The following HECTD4 variants were observed in gnomAD, a reference collection of about 807,000 sequenced individuals.
The protein encoded by HECTD4 is HECT domain E3 ubiquitin protein ligase 4.
HECTD4 carries 114 observed loss-of-function variants against 471.5 expected under a neutral mutation model. The observed-to-expected ratio is 0.24, with a 90% CI of 0.21 to 0.28. The LOEUF is 0.28. Among genes scored for constraint, HECTD4 ranks in the 10% least tolerant of loss-of-function variants. The probability of loss-of-function intolerance (pLI) is 1.00; values close to 1 mark genes in which losing one functional copy is unlikely to be tolerated. For synonymous variants in HECTD4, 2,012 were observed against 2,256.0 expected (o/e 0.89, Z 3.07); for missense variants, 3,866 against 5,651.5 (o/e 0.68, Z 10.13).
chr12:112,258,359 T>C, intron 20 of HECTD4, 137 bp downstream of exon 20: 1 of 565,728 alleles, frequency 1.8e-6, no homozygotes, highest in Non-Finnish European at 3.0e-6. Flanking sequence ...TACAGTTATC[T>C]AAAATTTTCA....
At chr12:112,195,867 A>G (rs1161897430) in intron 55 of HECTD4, among the ~76,000 whole-genome samples, 1 of 152,240 alleles carries the variant, frequency 6.6e-6, no homozygotes, top group Non-Finnish European at 1.5e-5. Flanking sequence ...TTAGTGCCTA[A>G]GCACGTCTTA....
At position 112,184,620 on chromosome 12, in the gene HECTD4, TC is replaced by T; in HGVS notation, c.10345del (p.Glu3449ArgfsTer29). 1 of 1,613,874 alleles carries T rather than the reference TC, an allele frequency of 6.2e-7. No homozygotes were observed. Among genetic ancestry groups the T allele is most frequent in the Non-Finnish European group, 8.5e-7 (1 of 1,179,862 alleles). On this transcript the variant is annotated frameshift_variant, in exon 61 of 76. Transcript: ENST00000682272. LOFTEE classifies it high-confidence loss of function. This position sits in a 1 kb window ranked among gnomAD's most constrained non-coding sequence, Gnocchi z 9.1. ...GGGCTCAACTTTCCCGTCCCCGCCCTCGGCCTTGTCTTTTGGCTTCTTGGTG... is the reference window on the plus strand; with the variant it reads ...GGGCTCAACTTTCCCGTCCCCGCCCTGGCCTTGTCTTTTGGCTTCTTGGTG... ...EDTKKPKDKA[E>X]GGDGKVEPEK...
Position 112,247,487 on chromosome 12 carries a change from G to T in HECTD4, c.4312C>A (p.Leu1438Ile). Reference protein sequence around the residue: ...MKEVSFDGNDLENMVLSLREK... With the variant: ...MKEVSFDGNDIENMVLSLREK... ...CTCAGTGATAGGACCATGTTTTCAA[G>T]ATCATTCCCATCAAAGGAGACTTCC... is the stretch of plus-strand genomic sequence containing the variant. The change falls in exon 28 of 76, where the codon CTT becomes ATT. Residue 1438 changes from leucine (L) to isoleucine (I), a missense_variant. This residue lies in a region of HECTD4 where 281 missense variants were observed against 499.9 expected (regional missense o/e 0.56). Coordinates refer to ENST00000682272, the MANE Select transcript of HECTD4 (RefSeq NM_001388303.1). 1 of 1,539,642 alleles carries T rather than the reference G, an allele frequency of 6.5e-7. No individual in the cohort carries two copies. The highest frequency in any genetic ancestry group is 8.8e-7 in the Non-Finnish European group (1 of 1,138,406).
At chr12:112,204,740 G>C in intron 52 of HECTD4, 117 bp from the exon 53 acceptor site, 1 of 821,876 alleles carries the variant, frequency 1.2e-6, no homozygotes, top group Non-Finnish European at 1.9e-6. Context: ...GTTTATGAAA[G>C]TACATAACCC....
rs1291890349 is a variant in HECTD4 at position 112,162,159 on chromosome 12, C to T, written c.*228G>A. On this transcript the variant is annotated 3_prime_UTR_variant, in exon 76 of 76. Coordinates refer to ENST00000682272, the MANE Select transcript of HECTD4 (RefSeq NM_001388303.1). The surrounding 1 kb of genome is among the most constrained non-coding windows in gnomAD (Gnocchi z 5.2). ...ACAAACTGTCTGGGAACTAAACTAT[C>T]CTACAAATAGACCACAAACAGGCAG... 1.5e-5 allele frequency: 8 copies of T among 532,336 alleles called. No individual in the cohort carries two copies. The highest frequency in any genetic ancestry group is 2.7e-5 in the Non-Finnish European group (8 of 298,374). The allele number at this position is 532,336 out of a possible 1,614,324, so 33.0% of individuals were successfully genotyped here. A position where few individuals can be genotyped will look rare whatever the true frequency, so the allele number is the denominator to read the frequency against.
At chr12:112,352,622 T>C (rs1048331691) in intron 1 of HECTD4, among the ~76,000 whole-genome samples, 7 of 151,412 alleles carry the variant, frequency 4.6e-5, no homozygotes, top group African/African-American at 1.7e-4. Context: ...TCCCTTCTTT[T>C]TTGAGACAAG....
chr12:112,338,795 A>G (rs1215156572), intron 1 of HECTD4, among the ~76,000 whole-genome samples: 1 of 152,084 alleles, frequency 6.6e-6, no homozygotes, highest in Non-Finnish European at 1.5e-5. Context: ...AAGGTGAAGC[A>G]GGAGCAGGCA....
intron 1 of HECTD4, among the ~76,000 whole-genome samples, chr12:112,328,833 A>G (rs1319200924): frequency 6.6e-6 from 1 of 152,230 alleles, no homozygotes; most frequent in Admixed American, 6.5e-5. Flanking sequence ...ACTTTAATTC[A>G]TGAGTTTTAG....
In HECTD4 at chr12:112,166,191, C is replaced by T. The variant is rs1334071854; in HGVS notation, c.12534+1126G>A. On this transcript the variant is annotated intron_variant, in intron 72 of 75. Coordinates refer to ENST00000682272, the MANE Select transcript of HECTD4 (RefSeq NM_001388303.1). This position sits in a 1 kb window ranked among gnomAD's most constrained non-coding sequence, Gnocchi z 4.6. ...GTGCAGGAGACGCATAAACCCCCAG[C>T]CCACTGTGGGTGTTCTTCCACCCTT... 1 of 152,304 alleles carries T rather than the reference C, an allele frequency of 6.6e-6. No homozygotes were observed. The highest frequency in any genetic ancestry group is 1.5e-5 in the Non-Finnish European group (1 of 68,104). The allele number at this position is 152,304 out of a possible 1,614,324, so 9.4% of individuals were successfully genotyped here.
intron 2 of HECTD4, among the ~76,000 whole-genome samples, chr12:112,316,511 C>G (rs1184146288): frequency 2.0e-5 from 3 of 152,098 alleles, no homozygotes; most frequent in African/African-American, 7.2e-5. Context: ...TCCCTACCAC[C>G]AAGAGAATGC....
chr12:112,251,414 C>G (rs1326774450), intron 23 of HECTD4, among the ~76,000 whole-genome samples: 1 of 152,180 alleles, frequency 6.6e-6, no homozygotes, highest in South Asian at 2.1e-4. Flanking sequence ...AATAAAGAAG[C>G]CTGATTCTTT....
chr12:112,175,448 TGA>T (rs2031403448), intron 66 of HECTD4, among the ~76,000 whole-genome samples: 1 of 152,198 alleles, frequency 6.6e-6, no homozygotes, highest in African/African-American at 2.4e-5. Flanking sequence ...CCTCCAGAAC[TGA>T]GAGAGAATAC....
chr12:112,226,421 T>C, intron 44 of HECTD4: 1 of 415,092 alleles, frequency 2.4e-6, no homozygotes, highest in Non-Finnish European at 4.3e-6. Flanking sequence ...GACATGGTCC[T>C]AAAGTTAATT....
Position 112,324,036 on chromosome 12 carries a change from T to C in HECTD4, c.178-4294A>G, listed in dbSNP as rs2035672888. On this transcript the variant is annotated intron_variant, in intron 1 of 75. Transcript: ENST00000682272. ...TTCCTTCCTTCCTTCCTTCCTTCCT[T>C]CCTTCCTTCCTTTCTTTCTTTCTTT... 9.1e-5 allele frequency among the ~76,000 whole-genome samples: 5 copies of C among 54,804 alleles called. 1 individual carries two copies. Among genetic ancestry groups the C allele is most frequent in the African/African-American group, 8.0e-4 (5 of 6,224 alleles). The allele number at this position is 54,804 out of a possible 152,430, so 36.0% of individuals were successfully genotyped here.
At position 112,207,998 on chromosome 12, in the gene HECTD4, C is replaced by T. The variant is rs556952853; in HGVS notation, c.8007G>A (p.Glu2669=). 6 of 1,612,642 alleles carry T rather than the reference C, an allele frequency of 3.7e-6. No individual in the cohort carries two copies. In the South Asian group the frequency reaches 5.5e-5, roughly 15 times the overall value. The part of the protein sequence containing the change: ...DDDDDDDIPQ[E]DHYALLVKAW... ...CTTTCACCAGCAGGGCGTAGTGGTCCTCCTGGAAGCAGAAGGAACCTCATG... is the reference window on the plus strand; with the variant it reads ...CTTTCACCAGCAGGGCGTAGTGGTCTTCCTGGAAGCAGAAGGAACCTCATG... Residue 2669 remains glutamate (E), a splice_region_variant and synonymous_variant, in exon 52 of 76, where the codon GAG becomes GAA. Transcript: ENST00000682272.
At chr12:112,378,312 G>A (rs565482761) in intron 1 of HECTD4, among the ~76,000 whole-genome samples, 9 of 152,064 alleles carry the variant, frequency 5.9e-5, no homozygotes, top group East Asian at 3.9e-4. Context: ...TCCGCCTCCC[G>A]GGTTCACACC....
At chr12:112,172,624 T>C (rs1316059613) in intron 67 of HECTD4, 47 bp downstream of exon 67, 8 of 1,582,256 alleles carry the variant, frequency 5.1e-6, no homozygotes, top group Non-Finnish European at 6.1e-6. Flanking sequence ...TCATGGGGCA[T>C]GCCCGCATCA....
chr12:112,176,238 C>G (rs1566061237), intron 65 of HECTD4, among the ~76,000 whole-genome samples: 2 of 152,264 alleles, frequency 1.3e-5, no homozygotes. Context: ...AGGCCGCTAG[C>G]TTAGGCCAGT....
At chr12:112,181,938 A>G (rs2031683321) in intron 62 of HECTD4, among the ~76,000 whole-genome samples, 1 of 152,128 alleles carries the variant, frequency 6.6e-6, no homozygotes, top group African/African-American at 2.4e-5. Flanking sequence ...CTAAAAATAC[A>G]AAAATTAGCT....
Sources: gnomAD v4.1 joint callset for allele counts (sites outside exome capture counted in the v4.1 genomes callset) on GRCh38, gnomAD v4.1.1 for gene constraint, gnomAD v4.1.1 regional missense constraint, Gnocchi (gnomAD v3.1) non-coding constraint, MANE v1.5 for transcripts, NCBI Gene and HGNC (gene_info 2026-07-23, HGNC 2026-07-21) for gene names.